The following USP40 variants were observed in gnomAD, a reference collection of about 807,000 sequenced individuals.
The protein encoded by USP40 is ubiquitin specific peptidase 40.
USP40 carries 143 observed loss-of-function variants against 166.2 expected under a neutral mutation model. That is an observed-to-expected ratio of 0.86 (90% confidence interval 0.75 to 0.99). USP40 has a LOEUF of 0.99. Among genes scored for constraint, USP40 ranks in the 50% least tolerant of loss-of-function variants. USP40 has a pLI of 0.00. For missense variants in USP40, 1,444 were observed against 1,479.7 expected, an observed-to-expected ratio of 0.98 and a Z score of 0.40; for synonymous variants, 498 against 524.0, an observed-to-expected ratio of 0.95 and a Z score of 0.68.
intron 8 of USP40, among the ~76,000 whole-genome samples, chr2:233,543,587 G>C (rs2069623750): frequency 6.6e-6 from 1 of 152,154 alleles, no homozygotes; most frequent in African/African-American, 2.4e-5. Flanking sequence ...CTCATGAATG[G>C]GAGTAGTGCC....
chr2:233,557,837 A>G (rs2071234318), intron 4 of USP40, among the ~76,000 whole-genome samples: 1 of 152,132 alleles, frequency 6.6e-6, no homozygotes, highest in African/African-American at 2.4e-5. Context: ...CAGAGGCAAT[A>G]AGGGAAGACA....
intron 10 of USP40, among the ~76,000 whole-genome samples, chr2:233,534,115 C>A (rs1345732136): frequency 2.0e-5 from 3 of 152,126 alleles, no homozygotes; most frequent in Non-Finnish European, 4.4e-5. Context: ...TAAAAGCAAT[C>A]TAAACAAGGC....
intron 30 of USP40, among the ~76,000 whole-genome samples, chr2:233,482,154 A>G (rs1175836613): frequency 1.3e-5 from 2 of 152,166 alleles, no homozygotes; most frequent in African/African-American, 4.8e-5. Flanking sequence ...TATAATCTCT[A>G]TTCTAATACA....
chr2:233,476,443 A>C lies in USP40; in HGVS notation c.*949T>G, dbSNP rs565411215. On this transcript the variant is annotated 3_prime_UTR_variant, in exon 32 of 32. Coordinates refer to ENST00000678225, the MANE Select transcript of USP40 (RefSeq NM_001365479.2). ...CAATTAAATCCTTTAAGTTGAATAGAAATCTGGGTTGGATTAAGTGGGAAA... is the reference window on the plus strand; with the variant it reads ...CAATTAAATCCTTTAAGTTGAATAGCAATCTGGGTTGGATTAAGTGGGAAA... 1 of 152,508 alleles carries C rather than the reference A, an allele frequency of 6.6e-6. No individual in the cohort carries two copies. The highest frequency in any genetic ancestry group is 2.1e-4 in the South Asian group (1 of 4,834). The allele number at this position is 152,508 out of a possible 1,614,324, so 9.4% of individuals were successfully genotyped here.
chr2:233,528,718 TC>T (rs1457297128), intron 12 of USP40, among the ~76,000 whole-genome samples: 2 of 151,996 alleles, frequency 1.3e-5, no homozygotes, highest in Admixed American at 6.6e-5. Context: ...TGTACTTTTT[TC>T]CCCCAGCTCC....
intron 30 of USP40, chr2:233,481,764 C>G (rs1344320232): frequency 6.3e-6 from 1 of 158,126 alleles, no homozygotes; most frequent in African/African-American, 2.4e-5. Flanking sequence ...CTCCTGCAAG[C>G]CTTAACTGCA....
rs372770552 is a variant in USP40, at chr2:233,509,765, C to T, written c.2613+284G>A. Among the ~76,000 whole-genome samples, 7 of 149,660 alleles carry T rather than the reference C, an allele frequency of 4.7e-5. No homozygotes were observed. The East Asian group carries it at 1.2e-3, about 26-fold the overall frequency. ...CTGAGGCAGGAGAATCACTTGAACCCGGGAGGCAGAGGTTGCAGTGAGCTG... is the reference window on the plus strand; with the variant it reads ...CTGAGGCAGGAGAATCACTTGAACCTGGGAGGCAGAGGTTGCAGTGAGCTG... On this transcript the variant is annotated intron_variant, in intron 21 of 31. Coordinates refer to ENST00000678225, the MANE Select transcript of USP40 (RefSeq NM_001365479.2).
At chr2:233,561,263 A>T (rs1370300095) in intron 3 of USP40, 1 of 1,481,566 alleles carries the variant, frequency 6.7e-7, no homozygotes, top group East Asian at 2.7e-5. Flanking sequence ...TCGCCAAGTC[A>T]ATCCTAAGCC....
At chr2:233,508,697 T>C (rs945229541) in intron 21 of USP40, among the ~76,000 whole-genome samples, 4 of 152,158 alleles carry the variant, frequency 2.6e-5, no homozygotes, top group Non-Finnish European at 4.4e-5. Context: ...AATATGTTTA[T>C]AAATAAAACT....
chr2:233,526,394 G>A (rs1351350945), intron 13 of USP40, among the ~76,000 whole-genome samples: 1 of 151,930 alleles, frequency 6.6e-6, no homozygotes, highest in East Asian at 1.9e-4. Context: ...TGTATCAACA[G>A]TGCCAGAATT....
rs754492955 is a variant in USP40 at position 233,493,426 on chromosome 2, T to C, written c.2916A>G (p.Gln972=). 3 of 1,614,018 alleles carry C rather than the reference T, an allele frequency of 1.9e-6. No individual in the cohort carries two copies. Among genetic ancestry groups the C allele is most frequent in the Non-Finnish European group, 2.5e-6 (3 of 1,179,894 alleles). The change falls in exon 25 of 32, where the codon CAA becomes CAG. Residue 972 remains glutamine, a splice_region_variant and synonymous_variant. Coordinates refer to ENST00000678225, the MANE Select transcript of USP40 (RefSeq NM_001365479.2). The surrounding 1 kb of genome is among the most constrained non-coding windows in gnomAD (Gnocchi z 4.7). The part of the protein sequence containing the change: ...WGRVWRATSS[Q]GASGNEPAQV... ...GCTGAAATCCCATTCTGTTCTCACC[T>C]TGGCTGGAAGTGGCTCTCCAAACTC...
intron 20 of USP40, among the ~76,000 whole-genome samples, chr2:233,511,482 T>A (rs549912956): frequency 6.6e-6 from 1 of 152,316 alleles, no homozygotes; most frequent in South Asian, 2.1e-4. Flanking sequence ...CATCAAAGAT[T>A]CCTTTTAACC....
At chr2:233,507,550 T>C (rs997282197) in intron 21 of USP40, among the ~76,000 whole-genome samples, 1 of 151,640 alleles carries the variant, frequency 6.6e-6, no homozygotes, top group Non-Finnish European at 1.5e-5. Flanking sequence ...GAAGACATCA[T>C]GTTAAGTGAA....
intron 24 of USP40, among the ~76,000 whole-genome samples, chr2:233,494,956 T>TTATATATA (rs71058559): frequency 2.2e-3 from 79 of 35,448 alleles, no homozygotes; most frequent in Admixed American, 3.3e-3. Context: ...ATATATATAT[T>TTATATATA]TATATATATA....
chr2:233,524,682 T>A, intron 14 of USP40, 120 bp from the exon 15 acceptor site: 1 of 676,120 alleles, frequency 1.5e-6, no homozygotes, highest in Non-Finnish European at 2.2e-6. Flanking sequence ...ATTTAAAAAG[T>A]AGTAATTATT....
chr2:233,530,283 T>A (rs2068418748), intron 11 of USP40, among the ~76,000 whole-genome samples: 1 of 151,750 alleles, frequency 6.6e-6, no homozygotes, highest in Non-Finnish European at 1.5e-5. Context: ...ATTCAACAAA[T>A]CTATTTTCAT....
rs769218876 is a variant in USP40, at chr2:233,485,803, A to G, written c.3372T>C (p.Phe1124=). 3.1e-6 allele frequency: 5 copies of G among 1,612,274 alleles called. No individual in the cohort carries two copies. The South Asian group carries it at 4.4e-5, about 14-fold the overall frequency. ...TCGGAAGCCACTCGAACTTTTCGGG[A>G]AAGTATTTGGCAATTTCAATCTTCT... is the stretch of plus-strand genomic sequence containing the variant. ...PVEKIEIAKY[F]PEKFEWLPIS... is the part of the protein sequence containing the mutation. The change falls in exon 29 of 32, where the codon TTT becomes TTC. Residue 1124 remains phenylalanine (F), a synonymous_variant. Transcript: ENST00000678225.
chr2:233,484,163 C>T (rs549108258), intron 30 of USP40, among the ~76,000 whole-genome samples: 1 of 152,294 alleles, frequency 6.6e-6, no homozygotes, highest in Non-Finnish European at 1.5e-5. Flanking sequence ...GTCTCAACAA[C>T]AACAACAAAA....
chr2:233,523,605 A>G (rs943528298), intron 15 of USP40, 116 bp from the exon 16 acceptor site: 1 of 984,662 alleles, frequency 1.0e-6, no homozygotes, highest in Admixed American at 3.0e-5. Context: ...GTAAAATAAA[A>G]TTTTCACAAA....
Sources: allele counts gnomAD v4.1 joint callset (sites outside exome capture counted in the v4.1 genomes callset), GRCh38; gene constraint gnomAD v4.1.1; non-coding constraint Gnocchi (gnomAD v3.1); transcripts MANE v1.5; gene names NCBI Gene and HGNC (gene_info 2026-07-23, HGNC 2026-07-21).